Variants in ZRANB3 observed in about 807,000 individuals in gnomAD.
ZRANB3 encodes the protein zinc finger RANBP2-type containing 3.
A neutral mutation model predicts 133.8 loss-of-function variants in ZRANB3; 125 were observed. The observed-to-expected ratio is 0.93, with a 90% CI of 0.81 to 1.08. The LOEUF (loss-of-function observed/expected upper bound fraction) is 1.08, where lower values mean the gene tolerates loss of function less well. ZRANB3 is among the 50% of genes least tolerant of loss of function. The pLI is 0.00. For synonymous variants in ZRANB3, 387 were observed against 432.7 expected (o/e 0.89, Z 1.31); for missense variants, 1,229 against 1,275.5 (o/e 0.96, Z 0.56).
At chr2:135,342,639 T>C (rs1393505280) in intron 6 of ZRANB3, among the ~76,000 whole-genome samples, 1 of 149,234 alleles carries the variant, frequency 6.7e-6, no homozygotes, top group East Asian at 1.9e-4. Context: ...AAAAAAATTT[T>C]TTCCTGACAA....
chr2:135,259,242 A>G (rs1679822522), intron 12 of ZRANB3, among the ~76,000 whole-genome samples: 1 of 151,850 alleles, frequency 6.6e-6, no homozygotes, highest in Admixed American at 6.6e-5. Flanking sequence ...TTGCCCAGGC[A>G]GGTCTCAAAC....
intron 8 of ZRANB3, among the ~76,000 whole-genome samples, chr2:135,285,910 T>C (rs1427836970): frequency 6.6e-6 from 1 of 152,192 alleles, no homozygotes; most frequent in Non-Finnish European, 1.5e-5. Context: ...ATTCTCAACA[T>C]ACATTACAAA....
At chr2:135,287,923 A>C (rs192029421) in intron 8 of ZRANB3, among the ~76,000 whole-genome samples, 59 of 151,878 alleles carry the variant, frequency 3.9e-4, no homozygotes, top group Non-Finnish European at 7.1e-4. Flanking sequence ...GATGCCCTTT[A>C]TTTCTTTCTC....
rs552245985 is a variant in ZRANB3 at position 135,337,784 on chromosome 2, A to G, written c.677+7766T>C. On this transcript the variant is annotated intron_variant, in intron 6 of 20. Transcript: ENST00000264159. ...AAAATTCTTAATAGAAAGTAGCCAA[A>G]TTATACTAGTTTTTCCATTTTTTTC... Among the ~76,000 whole-genome samples the G allele has an allele frequency of 5.9e-5, 9 of 152,342 alleles. No individual in the cohort carries two copies. The South Asian group carries it at 1.9e-3, about 32-fold the overall frequency.
Position 135,504,344 on chromosome 2 carries a change from A to C in ZRANB3, c.146T>G (p.Leu49Arg). 1 of 1,613,382 alleles carries C rather than the reference A, an allele frequency of 6.2e-7. No individual in the cohort carries two copies. The stretch of plus-strand genomic sequence containing the variant: ...AGAACTTTACCTGCCATTTCTTTTG[A>C]GGGCAAAAATGATGCCATCTTTCTG... ...PFQKDGIIFA[L>R]KRNGRCMVAD... Residue 49 changes from leucine to arginine, a missense_variant, in exon 2 of 21, where the codon CTC becomes CGC. Physicochemically the swap from Leu to Arg is moderately radical, Grantham distance 102. Coordinates refer to ENST00000264159, the MANE Select transcript of ZRANB3 (RefSeq NM_032143.4).
At chr2:135,372,263 A>C (rs1183382912) in intron 3 of ZRANB3, among the ~76,000 whole-genome samples, 1 of 152,118 alleles carries the variant, frequency 6.6e-6, no homozygotes, top group Non-Finnish European at 1.5e-5. Context: ...GGATGTCTAT[A>C]AACCATCAGA....
chr2:135,324,449 C>T (rs942439272), intron 6 of ZRANB3, among the ~76,000 whole-genome samples: 19 of 152,212 alleles, frequency 1.2e-4, no homozygotes, highest in South Asian at 6.2e-4. Context: ...CCATGGTGTA[C>T]ATGTGCCACA....
intron 6 of ZRANB3, among the ~76,000 whole-genome samples, chr2:135,325,526 C>T (rs537211549): frequency 6.6e-6 from 1 of 152,024 alleles, no homozygotes; most frequent in East Asian, 1.9e-4. Context: ...CCTGTAGCTG[C>T]GACTACAGGT....
chr2:135,395,498 C>T (rs1238334985), intron 2 of ZRANB3, among the ~76,000 whole-genome samples: 1 of 149,916 alleles, frequency 6.7e-6, no homozygotes, highest in Non-Finnish European at 1.5e-5. Flanking sequence ...CATTCTGTCA[C>T]CCAGGCTGGA....
intron 8 of ZRANB3, 86 bp downstream of exon 8, chr2:135,313,403 T>A (rs1683097173): frequency 6.3e-6 from 5 of 796,746 alleles, no homozygotes; most frequent in East Asian, 2.8e-5. Context: ...TTCTGCAATA[T>A]ATAAATAACT....
chr2:135,213,157 T>A (rs1033336279), intron 17 of ZRANB3, among the ~76,000 whole-genome samples: 1 of 151,960 alleles, frequency 6.6e-6, no homozygotes, highest in African/African-American at 2.4e-5. Flanking sequence ...AAGAGAGAAA[T>A]CCTCTAACGT....
At chr2:135,264,859 G>A (rs1350900344) in intron 12 of ZRANB3, among the ~76,000 whole-genome samples, 1 of 151,094 alleles carries the variant, frequency 6.6e-6, no homozygotes, top group East Asian at 2.0e-4. Context: ...AGCGATTCTT[G>A]TGCCTCAGCC....
chr2:135,299,361 G>A (rs1036859348), intron 8 of ZRANB3, among the ~76,000 whole-genome samples: 3 of 152,278 alleles, frequency 2.0e-5, no homozygotes, highest in South Asian at 2.1e-4. Flanking sequence ...TGTGCTCCAC[G>A]GAAAGCACTG....
chr2:135,256,058 G>A (rs1215004192), intron 12 of ZRANB3, among the ~76,000 whole-genome samples: 1 of 151,832 alleles, frequency 6.6e-6, no homozygotes, highest in Admixed American at 6.6e-5. Context: ...GGGACTACAG[G>A]CATGTGCCAC....
intron 13 of ZRANB3, among the ~76,000 whole-genome samples, chr2:135,229,594 C>G (rs1281531398): frequency 6.6e-6 from 1 of 151,964 alleles, no homozygotes; most frequent in Non-Finnish European, 1.5e-5. Flanking sequence ...GTCTCGATCT[C>G]CTGACCTCGT....
chr2:135,464,395 G>A (rs868754916), intron 2 of ZRANB3, among the ~76,000 whole-genome samples: 1 of 152,158 alleles, frequency 6.6e-6, no homozygotes, highest in Non-Finnish European at 1.5e-5. Context: ...CACACTGTTC[G>A]CCTTAGGGTG....
At chr2:135,241,615 C>T (rs1695556720) in intron 12 of ZRANB3, among the ~76,000 whole-genome samples, 1 of 151,930 alleles carries the variant, frequency 6.6e-6, no homozygotes, top group African/African-American at 2.4e-5. Flanking sequence ...ATGGGGCTAG[C>T]AGCAAGAAGA....
chr2:135,266,318 A>T (rs750203460), intron 11 of ZRANB3, among the ~76,000 whole-genome samples: 2 of 152,036 alleles, frequency 1.3e-5, no homozygotes, highest in African/African-American at 2.4e-5. Flanking sequence ...ACAAATTGAA[A>T]CCTTTTACTC....
chr2:135,424,572 A>C (rs1264186477), intron 2 of ZRANB3, among the ~76,000 whole-genome samples: 2 of 152,136 alleles, frequency 1.3e-5, no homozygotes, highest in Non-Finnish European at 2.9e-5. Context: ...ATCTCTACTA[A>C]AAATACAAAA....
Sources: gnomAD v4.1 joint callset for allele counts (sites outside exome capture counted in the v4.1 genomes callset) on GRCh38, gnomAD v4.1.1 for gene constraint, MANE v1.5 for transcripts, NCBI Gene and HGNC (gene_info 2026-07-23, HGNC 2026-07-21) for gene names.